Variants in GRIN2A observed in about 807,000 individuals in gnomAD.
The protein encoded by GRIN2A is glutamate ionotropic receptor NMDA type subunit 2A, also known as glutamate receptor ionotropic, NMDA 2A.
GRIN2A carries 22 observed loss-of-function variants against 113.4 expected under a neutral mutation model. The ratio of observed to expected loss-of-function variants is 0.19; its 90% confidence interval spans 0.14 to 0.28. The LOEUF (loss-of-function observed/expected upper bound fraction) is 0.28. GRIN2A is among the 10% of genes least tolerant of loss of function. The pLI, the probability that GRIN2A is intolerant of heterozygous loss-of-function variation, is 1.00. For missense variants in GRIN2A, 1,502 were observed against 1,887.0 expected (o/e 0.80, Z 3.78); for synonymous variants, 827 against 738.4 (o/e 1.12, Z -1.94).
At chr16:9,923,783 T>C (rs1012629248) in intron 3 of GRIN2A, among the ~76,000 whole-genome samples, 4 of 152,212 alleles carry the variant, frequency 2.6e-5, no homozygotes, top group Non-Finnish European at 5.9e-5. Flanking sequence ...ATTGTTAGTA[T>C]TTTTGTTTTA....
chr16:9,819,798 T>C (rs1171573936), intron 10 of GRIN2A, among the ~76,000 whole-genome samples: 1 of 151,712 alleles, frequency 6.6e-6, no homozygotes, highest in Non-Finnish European at 1.5e-5. Context: ...ACCCTGTCTC[T>C]ACAAAAACAC....
chr16:9,808,510 CTAT>C (rs1355847924), intron 10 of GRIN2A, among the ~76,000 whole-genome samples: 1 of 152,066 alleles, frequency 6.6e-6, no homozygotes, highest in Non-Finnish European at 1.5e-5. Flanking sequence ...TGTGAAAATG[CTAT>C]TATGTGTTAG....
chr16:10,130,474 T>G (rs1245028604), intron 2 of GRIN2A, among the ~76,000 whole-genome samples: 1 of 152,230 alleles, frequency 6.6e-6, no homozygotes, highest in African/African-American at 2.4e-5. Context: ...AGTAGGCAGA[T>G]GGGTCAGGCT....
intron 6 of GRIN2A, 60 bp from the exon 7 acceptor site, chr16:9,840,860 C>CT: frequency 7.2e-7 from 1 of 1,383,610 alleles, no homozygotes; most frequent in Non-Finnish European, 1.0e-6. Flanking sequence ...CAGTACTTTA[C>CT]TTTTCCTGCT....
chr16:10,165,499 G>GATATATATATACATATATATATATGT (rs1555489591), intron 2 of GRIN2A, among the ~76,000 whole-genome samples: 159 of 129,674 alleles, frequency 1.2e-3, no homozygotes, highest in African/African-American at 4.3e-3. Context: ...TTATATTTTT[G>GATATATATATACATATATATATATGT]ATATATATAT....
chr16:9,908,941 G>A (rs2044080489), intron 3 of GRIN2A, among the ~76,000 whole-genome samples: 1 of 152,178 alleles, frequency 6.6e-6, no homozygotes, highest in Non-Finnish European at 1.5e-5. Flanking sequence ...AGCAAGTGGT[G>A]GGAATTAAAG....
intron 5 of GRIN2A, among the ~76,000 whole-genome samples, chr16:9,846,835 C>A (rs1410041279): frequency 1.3e-5 from 2 of 152,194 alleles, no homozygotes; most frequent in South Asian, 4.1e-4. Flanking sequence ...AAGTTTCCAA[C>A]AGCAGGCCTT....
chr16:10,064,533 T>A (rs1374036256), intron 2 of GRIN2A, among the ~76,000 whole-genome samples: 1 of 152,230 alleles, frequency 6.6e-6, no homozygotes, highest in Non-Finnish European at 1.5e-5. Flanking sequence ...TGTTCATGCC[T>A]CTACATTGAT....
chr16:10,180,147 G>C lies in GRIN2A; in HGVS notation c.265C>G (p.Leu89Val). 6.2e-7 allele frequency: 1 copy of C among 1,614,238 alleles called. No homozygotes were observed. Among genetic ancestry groups the C allele is most frequent in the Non-Finnish European group, 8.5e-7 (1 of 1,180,050 alleles). Residue 89 changes from leucine (L) to valine (V), a missense_variant, in exon 2 of 13, where the codon CTC (leucine) becomes GTC (valine). Coordinates refer to ENST00000330684, the MANE Select transcript of GRIN2A (RefSeq NM_001134407.3). This position sits in a 1 kb window ranked among gnomAD's most constrained non-coding sequence, Gnocchi z 7.0. Reference protein sequence around the residue: ...PKSLITHVCDLMSGARIHGLV... With the variant: ...PKSLITHVCDVMSGARIHGLV... Reference sequence around the variant, plus strand: ...CCGTGGATGCGTGCCCCGGACATGAGGTCGCACACGTGCGTGATGAGGCTC... The same window carrying C: ...CCGTGGATGCGTGCCCCGGACATGACGTCGCACACGTGCGTGATGAGGCTC...
At chr16:9,775,011 C>T (rs560478757) in intron 11 of GRIN2A, among the ~76,000 whole-genome samples, 8 of 152,284 alleles carry the variant, frequency 5.3e-5, no homozygotes, top group African/African-American at 1.7e-4. Context: ...TCATTCTCAG[C>T]ACTTCCAGAG....
chr16:10,092,265 T>C (rs1180602512), intron 2 of GRIN2A, among the ~76,000 whole-genome samples: 2 of 152,212 alleles, frequency 1.3e-5, no homozygotes, highest in Non-Finnish European at 2.9e-5. Flanking sequence ...TGCACATACT[T>C]TTCATCTTTT....
intron 2 of GRIN2A, among the ~76,000 whole-genome samples, chr16:9,964,802 G>A (rs924344648): frequency 6.6e-6 from 1 of 152,088 alleles, no homozygotes; most frequent in African/African-American, 2.4e-5. Context: ...GAATCTCAAG[G>A]TACTAAACCC....
At chr16:9,952,459 G>C (rs1253335023) in intron 2 of GRIN2A, among the ~76,000 whole-genome samples, 1 of 151,674 alleles carries the variant, frequency 6.6e-6, no homozygotes, top group Non-Finnish European at 1.5e-5. Context: ...AGAAACACAT[G>C]CAAAAAAAAA....
At chr16:9,790,710 G>T (rs1902555409) in intron 11 of GRIN2A, among the ~76,000 whole-genome samples, 1 of 152,138 alleles carries the variant, frequency 6.6e-6, no homozygotes, top group African/African-American at 2.4e-5. Flanking sequence ...CTCTCTAGAG[G>T]TATCTAGTGT....
chr16:9,816,732 T>C (rs541450327), intron 10 of GRIN2A, among the ~76,000 whole-genome samples: 4 of 152,320 alleles, frequency 2.6e-5, no homozygotes, highest in Admixed American at 6.5e-5. Context: ...AAAATTTGAT[T>C]AGGGCATATC....
At chr16:9,972,984 G>A (rs183031821) in intron 2 of GRIN2A, among the ~76,000 whole-genome samples, 1 of 152,310 alleles carries the variant, frequency 6.6e-6, no homozygotes, top group African/African-American at 2.4e-5. Context: ...TTGGCTGTCT[G>A]GAGATGAAAT....
intron 2 of GRIN2A, among the ~76,000 whole-genome samples, chr16:9,988,542 A>ATCTC (rs140580698): frequency 1.7e-4 from 25 of 148,806 alleles, no homozygotes; most frequent in East Asian, 1.6e-3. Flanking sequence ...GTACCAATTA[A>ATCTC]TCTCTCTCTC....
chr16:10,008,864 G>T (rs1205070751), intron 2 of GRIN2A, among the ~76,000 whole-genome samples: 1 of 152,188 alleles, frequency 6.6e-6, no homozygotes, highest in Non-Finnish European at 1.5e-5. Flanking sequence ...AGAAAGCAAG[G>T]TGTAGAACAG....
chr16:10,059,140 C>G (rs576139265), intron 2 of GRIN2A, among the ~76,000 whole-genome samples: 1 of 152,100 alleles, frequency 6.6e-6, no homozygotes, highest in African/African-American at 2.4e-5. Flanking sequence ...CAATAGGAGA[C>G]AGAGGAAATG....
Sources: gnomAD v4.1 joint callset for allele counts (sites outside exome capture counted in the v4.1 genomes callset) on GRCh38, gnomAD v4.1.1 for gene constraint, Gnocchi (gnomAD v3.1) non-coding constraint, MANE v1.5 for transcripts, NCBI Gene and HGNC (gene_info 2026-07-23, HGNC 2026-07-21) for gene names.